Variants in BMPER observed in about 807,000 individuals in gnomAD.
The protein encoded by BMPER is BMP-binding endothelial regulator protein.
In BMPER, 45 loss-of-function variants were observed where a neutral mutation model predicts 87.3. That is an observed-to-expected ratio of 0.52 (90% CI 0.41 to 0.66). The LOEUF (loss-of-function observed/expected upper bound fraction) is 0.66. BMPER is among the 30% of genes least tolerant of loss of function. The pLI is 0.00. For synonymous variants in BMPER, 326 were observed against 316.2 expected, an observed-to-expected ratio of 1.03 and a Z score of -0.33; for missense variants, 784 against 867.5, an observed-to-expected ratio of 0.90 and a Z score of 1.21.
At chr7:33,914,458 A>G (rs1784042407) in intron 2 of BMPER, among the ~76,000 whole-genome samples, 1 of 151,566 alleles carries the variant, frequency 6.6e-6, no homozygotes, top group South Asian at 2.1e-4. Flanking sequence ...AGTCTGGCCA[A>G]TGTCATAGAC....
Position 33,945,243 on chromosome 7 carries a change from CTTTTTTTTTTTTTT to C in BMPER, c.319+7867_319+7880del, listed in dbSNP as rs376447828. Among the ~76,000 whole-genome samples, 3 of 81,758 alleles carry C rather than the reference CTTTTTTTTTTTTTT, an allele frequency of 3.7e-5. No individual in the cohort carries two copies. In the Admixed American group the frequency reaches 4.8e-4, roughly 13 times the overall value. 53.6% of individuals were successfully genotyped at this position (81,758 alleles called of 152,430 possible). A position where few individuals can be genotyped will look rare whatever the true frequency, so the allele number is the denominator to read the frequency against. The stretch of plus-strand genomic sequence containing the variant: ...GGCCTGAGCCACCGCGCCTGGACTT[CTTTTTTTTTTTTTT>C]TTTTTTTTTTTGAGACAGAGTCCCA... On this transcript the variant is annotated intron_variant, in intron 3 of 14. Coordinates refer to ENST00000649409, the MANE Select transcript of BMPER (RefSeq NM_001365308.1).
intron 6 of BMPER, among the ~76,000 whole-genome samples, chr7:33,983,918 C>A (rs944405067): frequency 1.3e-5 from 2 of 152,184 alleles, no homozygotes; most frequent in East Asian, 1.9e-4. Flanking sequence ...TACACTTCCT[C>A]TCTCCAAAGT....
intron 3 of BMPER, among the ~76,000 whole-genome samples, chr7:33,951,665 A>T (rs987158593): frequency 1.3e-5 from 2 of 152,186 alleles, no homozygotes; most frequent in African/African-American, 4.8e-5. Context: ...CCTGGTACAG[A>T]CTGGCTGCCC....
In BMPER at chr7:33,905,718, C is replaced by T. The variant is rs1783794301; in HGVS notation, c.105C>T (p.Pro35=). 6.2e-7 allele frequency: 1 copy of T among 1,610,538 alleles called. No homozygotes were observed. Among genetic ancestry groups the T allele is most frequent in the Non-Finnish European group, 8.5e-7 (1 of 1,178,194 alleles). The part of the protein sequence containing the change: ...VLLLLNCSGV[P]MSLASSFLTG... ...TGCTACTCAATTGCTCGGGGGTCCC[C>T]ATGTCTCTGGCTTCCTCCTTCTTGA... Residue 35 remains proline (P), a synonymous_variant, in exon 1 of 15, where the codon CCC becomes CCT. Coordinates refer to ENST00000649409, the MANE Select transcript of BMPER (RefSeq NM_001365308.1).
At chr7:34,140,081 C>T (rs1284667637) in intron 13 of BMPER, among the ~76,000 whole-genome samples, 3 of 152,146 alleles carry the variant, frequency 2.0e-5, no homozygotes, top group African/African-American at 7.2e-5. Context: ...AAGGTGTCGT[C>T]CTAGGTTTGC....
chr7:34,017,528 C>A (rs1020045040), intron 6 of BMPER, among the ~76,000 whole-genome samples: 6 of 151,888 alleles, frequency 4.0e-5, no homozygotes, highest in African/African-American at 1.2e-4. Flanking sequence ...TTACCTACCA[C>A]TGGGTCCCTC....
intron 13 of BMPER, among the ~76,000 whole-genome samples, chr7:34,139,300 C>T (rs1790802945): frequency 6.6e-6 from 1 of 152,206 alleles, no homozygotes; most frequent in South Asian, 2.1e-4. Context: ...TGCCAAAATA[C>T]AGATTGGGCA....
intron 2 of BMPER, among the ~76,000 whole-genome samples, chr7:33,933,744 G>A (rs975013089): frequency 2.6e-5 from 4 of 152,162 alleles, no homozygotes; most frequent in African/African-American, 9.7e-5. Context: ...GAGCCACCAG[G>A]AAGACACCAA....
intron 6 of BMPER, among the ~76,000 whole-genome samples, chr7:34,020,151 G>A (rs1434630164): frequency 6.6e-6 from 1 of 151,850 alleles, no homozygotes; most frequent in Non-Finnish European, 1.5e-5. Flanking sequence ...GGGAAAGAAG[G>A]CAGAAGATCT....
intron 4 of BMPER, among the ~76,000 whole-genome samples, chr7:33,967,315 C>T (rs1785429962): frequency 6.6e-6 from 1 of 152,194 alleles, no homozygotes; most frequent in East Asian, 1.9e-4. Context: ...CATTTTATCC[C>T]TAACCCTATT....
At chr7:34,075,010 AT>A (rs34665381) in intron 11 of BMPER, among the ~76,000 whole-genome samples, 13 of 148,860 alleles carry the variant, frequency 8.7e-5, no homozygotes, top group East Asian at 2.0e-4. Flanking sequence ...AGTTTCTCTT[AT>A]TTTTTTTTTA....
In BMPER at chr7:34,020,896, G is replaced by A. The variant is rs202133861; in HGVS notation, c.577-25410G>A. Among the ~76,000 whole-genome samples the A allele has an allele frequency of 8.2e-4, 121 of 147,018 alleles. 2 individuals are homozygous for A. In the South Asian group the frequency reaches 0.022, roughly 27 times the overall value. On this transcript the variant is annotated intron_variant, in intron 6 of 14. Coordinates refer to ENST00000649409, the MANE Select transcript of BMPER (RefSeq NM_001365308.1). Reference sequence around the variant, plus strand: ...CACACACACACACACACACACGCACGCACACACACATATGCATATGTTATA... The same window carrying A: ...CACACACACACACACACACACGCACACACACACACATATGCATATGTTATA...
At chr7:34,121,795 C>G (rs968185001) in intron 13 of BMPER, among the ~76,000 whole-genome samples, 4 of 152,098 alleles carry the variant, frequency 2.6e-5, no homozygotes, top group Admixed American at 2.6e-4. Context: ...AGTATAGTAC[C>G]TCAAATCCAG....
At chr7:33,991,645 T>A (rs1368939248) in intron 6 of BMPER, among the ~76,000 whole-genome samples, 1 of 152,146 alleles carries the variant, frequency 6.6e-6, no homozygotes, top group Non-Finnish European at 1.5e-5. Context: ...TAGTTATTTC[T>A]TGCCTTCTGC....
rs547545892 is a variant in BMPER, at chr7:34,156,338, C to T, written c.*3065C>T. ...GTTGCAAACATCCATGACTACATTA[C>T]CCTAATTAAGAAACATAACCTGGTA... On this transcript the variant is annotated 3_prime_UTR_variant, in exon 15 of 15. Coordinates refer to ENST00000649409, the MANE Select transcript of BMPER (RefSeq NM_001365308.1). Among the ~76,000 whole-genome samples, 7 of 152,178 alleles carry T rather than the reference C, an allele frequency of 4.6e-5. No homozygotes were observed. The highest frequency in any genetic ancestry group is 1.3e-4 in the Admixed American group (2 of 15,286).
intron 2 of BMPER, among the ~76,000 whole-genome samples, chr7:33,932,081 T>A (rs1462144124): frequency 2.0e-5 from 3 of 152,146 alleles, no homozygotes; most frequent in Admixed American, 2.0e-4. Context: ...CAAGGCTTTG[T>A]TTTTCAGCTT....
chr7:34,078,532 G>C (rs1788925219), intron 11 of BMPER, among the ~76,000 whole-genome samples: 1 of 152,166 alleles, frequency 6.6e-6, no homozygotes, highest in South Asian at 2.1e-4. Flanking sequence ...TGTGGGTGGT[G>C]AAGTAAGGCC....
At chr7:33,994,610 C>T (rs562305276) in intron 6 of BMPER, among the ~76,000 whole-genome samples, 21 of 152,250 alleles carry the variant, frequency 1.4e-4, no homozygotes, top group South Asian at 6.2e-4. Context: ...AGCTGTAGAC[C>T]GGAGCTGTTC....
rs113127088 is a variant in BMPER at position 34,079,285 on chromosome 7, T to C, written c.1408+99T>C. Reference sequence around the variant, plus strand: ...AGCACTCAGGAGATGTGGTTCCTCCTCCGAGCAAAAACCCAAGGCAGAGCC... The same window carrying C: ...AGCACTCAGGAGATGTGGTTCCTCCCCCGAGCAAAAACCCAAGGCAGAGCC... On this transcript the variant is annotated intron_variant, in intron 12 of 14. Coordinates refer to ENST00000649409, the MANE Select transcript of BMPER (RefSeq NM_001365308.1). 43 of 1,510,504 alleles carry C rather than the reference T, an allele frequency of 2.8e-5. No individual in the cohort carries two copies. The African/African-American group carries it at 5.4e-4, about 19-fold the overall frequency. 93.6% of individuals were successfully genotyped at this position (1,510,504 alleles called of 1,614,324 possible).
Sources: allele counts gnomAD v4.1 joint callset (sites outside exome capture counted in the v4.1 genomes callset), GRCh38; gene constraint gnomAD v4.1.1; transcripts MANE v1.5; gene names NCBI Gene and HGNC (gene_info 2026-07-23, HGNC 2026-07-21).